VPS9D1: variants seen among roughly 807,000 people sequenced by gnomAD.
The protein encoded by VPS9D1 is VPS9 domain-containing protein 1.
A neutral mutation model predicts 75.8 loss-of-function variants in VPS9D1; 78 were observed. That is an observed-to-expected ratio of 1.03 (90% CI 0.86 to 1.24). The LOEUF (loss-of-function observed/expected upper bound fraction) is 1.24. Among genes scored for constraint, VPS9D1 ranks in the 50% most tolerant of loss-of-function variants. VPS9D1 has a pLI of 0.00. For missense variants in VPS9D1, 1,057 were observed against 847.7 expected, an observed-to-expected ratio of 1.25 and a Z score of -3.07; for synonymous variants, 481 against 385.6, an observed-to-expected ratio of 1.25 and a Z score of -2.90.
Position 89,716,490 on chromosome 16 carries a change from G to T in VPS9D1, c.403C>A (p.Gln135Lys). Residue 135 changes from glutamine (Q) to lysine (K), a missense_variant, in exon 4 of 15, where the codon CAG becomes AAG. Transcript: ENST00000389386. The stretch of plus-strand genomic sequence containing the variant: ...TTACAGCTTTGTGACTCTGCCCCCT[G>T]AAGCTTCTGGAAGATCTCGGGTGGC... ...FLPPEIFQKL[Q>K]GAESQSCKKE... 1 of 1,614,022 alleles carries T rather than the reference G, an allele frequency of 6.2e-7. No homozygotes were observed. Among genetic ancestry groups the T allele is most frequent in the Non-Finnish European group, 8.5e-7 (1 of 1,179,998 alleles).
intron 1 of VPS9D1, 26 bp downstream of exon 1, chr16:89,720,737 C>A: frequency 7.0e-7 from 1 of 1,426,704 alleles, no homozygotes; most frequent in Non-Finnish European, 9.2e-7. Flanking sequence ...CCTCAGCGGC[C>A]AAGCCCCGCC....
intron 4 of VPS9D1, among the ~76,000 whole-genome samples, chr16:89,714,322 C>T (rs935786597): frequency 7.2e-5 from 11 of 152,068 alleles, no homozygotes; most frequent in Admixed American, 6.6e-4. Context: ...TCCAGTGTGG[C>T]CCAGGGAAGG....
chr16:89,716,733 G>A lies in VPS9D1; in HGVS notation c.265C>T (p.Leu89Phe). ...LERAQSTAAK[L>F]GKTRLKPTMP... ...CCGCCTACTGCAGGAGACCCACCAAGCTTGGCGGCCGTCGACTGGGCCCTC... is the reference window on the plus strand; with the variant it reads ...CCGCCTACTGCAGGAGACCCACCAAACTTGGCGGCCGTCGACTGGGCCCTC... Residue 89 changes from leucine to phenylalanine, a missense_variant, in exon 3 of 15, where the codon CTT (leucine) becomes TTT (phenylalanine). Leu to Phe is a conservative substitution (Grantham distance 22). Transcript: ENST00000389386. 3.8e-6 allele frequency: 6 copies of A among 1,589,274 alleles called. No individual in the cohort carries two copies. The highest frequency in any genetic ancestry group is 4.3e-6 in the Non-Finnish European group (5 of 1,167,380).
chr16:89,720,836 G>A lies in VPS9D1; in HGVS notation c.26C>T (p.Thr9Met), dbSNP rs1262543954. MAAAAGDG[T>M]VKPLQSAMKL... ...CATGGCGCTCTGCAGCGGCTTCACC[G>A]TGCCGTCCCCGGCCGCAGCGGCCAT... The change falls in exon 1 of 15, where the codon ACG becomes ATG. Residue 9 changes from threonine to methionine, a missense_variant. By Grantham distance (81) the Thr-to-Met change is moderately conservative. Coordinates refer to ENST00000389386, the MANE Select transcript of VPS9D1 (RefSeq NM_004913.3). The A allele has an allele frequency of 2.1e-6, 3 of 1,436,438 alleles. No individual in the cohort carries two copies. The highest frequency in any genetic ancestry group is 2.8e-6 in the Non-Finnish European group (3 of 1,089,334). The allele number at this position is 1,436,438 out of a possible 1,614,324, so 89.0% of individuals were successfully genotyped here.
In VPS9D1 at chr16:89,711,874, G is replaced by A. The variant is rs1314173990; in HGVS notation, c.747+8C>T. On this transcript the variant is annotated splice_region_variant and intron_variant, in intron 8 of 14. Transcript: ENST00000389386. ...CTCCTACAAAGCCTGGGCCCGTGGG[G>A]GACGCACATGGTCCTGTTCGTACTC... 6.5e-7 allele frequency: 1 copy of A among 1,549,996 alleles called. No individual in the cohort carries two copies.
At chr16:89,717,574 C>CT (rs374776486) in intron 2 of VPS9D1, 244 of 456,550 alleles carry the variant, frequency 5.3e-4, no homozygotes, top group African/African-American at 4.0e-3. Context: ...CCCTGCTGCC[C>CT]TTCACAGAAA....
chr16:89,715,516 G>A (rs1014223283), intron 4 of VPS9D1, among the ~76,000 whole-genome samples: 34 of 149,968 alleles, frequency 2.3e-4, no homozygotes, highest in Middle Eastern at 3.4e-3. Flanking sequence ...GTGAGCCACC[G>A]CGCCCGGTCA....
At chr16:89,720,569 CT>C in intron 1 of VPS9D1, 193 bp downstream of exon 1, 1 of 1,193,756 alleles carries the variant, frequency 8.4e-7, no homozygotes, top group Non-Finnish European at 1.0e-6. Flanking sequence ...TCCGCAGGAT[CT>C]GAGCTGTCCA....
At chr16:89,714,964 A>C (rs1030098634) in intron 4 of VPS9D1, among the ~76,000 whole-genome samples, 1 of 151,530 alleles carries the variant, frequency 6.6e-6, no homozygotes. Flanking sequence ...TGAACTCCTG[A>C]CCTTGTGATC....
chr16:89,710,120 A>G (rs2060881896), intron 10 of VPS9D1, among the ~76,000 whole-genome samples: 1 of 152,208 alleles, frequency 6.6e-6, no homozygotes, highest in Admixed American at 6.5e-5. Flanking sequence ...GCAGCCTGAG[A>G]AGAAACCGGA....
chr16:89,717,465 C>T (rs1360576512), intron 2 of VPS9D1: 4 of 428,478 alleles, frequency 9.3e-6, no homozygotes, highest in African/African-American at 2.0e-5. Context: ...AGCACCTCTG[C>T]GCGACCATGG....
rs769008409 is a variant in VPS9D1, at chr16:89,709,289, G to C, written c.1535C>G (p.Ala512Gly). Residue 512 changes from alanine (A) to glycine (G), a missense_variant, in exon 12 of 15, where the codon GCG becomes GGG. Ala to Gly is a moderately conservative substitution (Grantham distance 60). Coordinates refer to ENST00000389386, the MANE Select transcript of VPS9D1 (RefSeq NM_004913.3). ...KGATGYPYCA[A>G]AQELGLLVLE... ...GACCAGCAGTCCGAGCTCCTGGGCC[G>C]CCGCGCAGTAGGGGTAGCCAGTGGC... The C allele has an allele frequency of 2.5e-6, 4 of 1,609,852 alleles. No homozygotes were observed. Among genetic ancestry groups the C allele is most frequent in the Non-Finnish European group, 2.5e-6 (3 of 1,179,304 alleles).
At position 89,711,841 on chromosome 16, in the gene VPS9D1, C is replaced by G. The variant is rs769535482; in HGVS notation, c.747+41G>C. The G allele has an allele frequency of 8.4e-6, 13 of 1,542,504 alleles. No individual in the cohort carries two copies. The South Asian group carries it at 1.4e-4, about 17-fold the overall frequency. On this transcript the variant is annotated intron_variant, in intron 8 of 14. Transcript: ENST00000389386. ...GGCGGCTCTGACCCCGCCCCCCTCGCTGGGCTCCTCCTACAAAGCCTGGGC... is the reference window on the plus strand; with the variant it reads ...GGCGGCTCTGACCCCGCCCCCCTCGGTGGGCTCCTCCTACAAAGCCTGGGC...
Position 89,708,969 on chromosome 16 carries a change from C to A in VPS9D1, c.1598-13G>T. 1 of 1,583,126 alleles carries A rather than the reference C, an allele frequency of 6.3e-7. No homozygotes were observed. The highest frequency in any genetic ancestry group is 1.8e-5 in the Admixed American group (1 of 56,088). The stretch of plus-strand genomic sequence containing the variant: ...CGCAGGGTCCGCACTGCGCCCCAGA[C>A]AGGGTTTCAGGGGCAGTTAACCCCG... On this transcript the variant is annotated splice_polypyrimidine_tract_variant and intron_variant, in intron 12 of 14. Coordinates refer to ENST00000389386, the MANE Select transcript of VPS9D1 (RefSeq NM_004913.3).
chr16:89,719,263 G>C (rs2061174450), intron 1 of VPS9D1, 161 bp from the exon 2 acceptor site: 4 of 720,708 alleles, frequency 5.6e-6, no homozygotes, highest in Non-Finnish European at 7.4e-6. Flanking sequence ...GCTGCAGCCG[G>C]AACACGGTTT....
At position 89,709,858 on chromosome 16, in the gene VPS9D1, G is replaced by C. The variant is rs1597904134; in HGVS notation, c.1307C>G (p.Ala436Gly). The change falls in exon 11 of 15, where the codon GCT (alanine) becomes GGT (glycine). Residue 436 changes from alanine to glycine, a missense_variant. By Grantham distance (60) the Ala-to-Gly change is moderately conservative (BLOSUM62 0). Coordinates refer to ENST00000389386, the MANE Select transcript of VPS9D1 (RefSeq NM_004913.3). ...GGCCAGGCAGCGGTCCTTGGAGGCAGCTGTGTTTAGGCCTTCGAAGGCCAG... is the reference window on the plus strand; with the variant it reads ...GGCCAGGCAGCGGTCCTTGGAGGCACCTGTGTTTAGGCCTTCGAAGGCCAG... ...TLLAFEGLNT[A>G]ASKDRCLACI... is the part of the protein sequence containing the mutation. The C allele has an allele frequency of 3.7e-6, 6 of 1,613,652 alleles. No individual in the cohort carries two copies. The East Asian group carries it at 1.3e-4, about 36-fold the overall frequency.
chr16:89,715,316 T>C (rs1433221137), intron 4 of VPS9D1, among the ~76,000 whole-genome samples: 1 of 149,906 alleles, frequency 6.7e-6, no homozygotes, highest in African/African-American at 2.5e-5. Context: ...AACCTCTGCC[T>C]CCTGGGTTCA....
intron 14 of VPS9D1, 139 bp downstream of exon 14, chr16:89,708,288 C>T (rs2060834744): frequency 4.1e-5 from 34 of 838,580 alleles, no homozygotes; most frequent in Non-Finnish European, 6.0e-5. Flanking sequence ...GGTGGACCCA[C>T]AGGGGCTGCC....
At position 89,710,979 on chromosome 16, in the gene VPS9D1, T is replaced by A. The variant is rs2060903484; in HGVS notation, c.865A>T (p.Arg289Trp). Reference sequence around the variant, plus strand: ...CTGTACACGGAGCACTGCAGCCGCCTCAGGAGCTGCGCGATCGGGTGGTCG... The same window carrying A: ...CTGTACACGGAGCACTGCAGCCGCCACAGGAGCTGCGCGATCGGGTGGTCG... ...LPDHPIAQLLRRLQCSVYSAL... is the reference protein window; with the variant it reads ...LPDHPIAQLLWRLQCSVYSAL... Residue 289 changes from arginine (R) to tryptophan (W), a missense_variant, in exon 10 of 15, where the codon AGG (arginine) becomes TGG (tryptophan). Physicochemically the swap from Arg to Trp is moderately radical, Grantham distance 101 (BLOSUM62 -3). Coordinates refer to ENST00000389386, the MANE Select transcript of VPS9D1 (RefSeq NM_004913.3). 2 of 1,442,276 alleles carry A rather than the reference T, an allele frequency of 1.4e-6. No individual in the cohort carries two copies. The highest frequency in any genetic ancestry group is 2.9e-5 in the South Asian group (2 of 69,032). The allele number at this position is 1,442,276 out of a possible 1,614,324, so 89.3% of individuals were successfully genotyped here.
Sources: allele counts gnomAD v4.1 joint callset (sites outside exome capture counted in the v4.1 genomes callset), GRCh38; gene constraint gnomAD v4.1.1; transcripts MANE v1.5; gene names NCBI Gene and HGNC (gene_info 2026-07-23, HGNC 2026-07-21).